Variants in GSE1 observed in about 807,000 individuals in gnomAD.
The protein encoded by GSE1 is Gse1 coiled-coil protein, also known as genetic suppressor element 1.
A neutral mutation model predicts 112.6 loss-of-function variants in GSE1; 32 were observed. The ratio of observed to expected loss-of-function variants is 0.28; its 90% confidence interval spans 0.21 to 0.38. GSE1 has a LOEUF of 0.38. Among genes scored for constraint, GSE1 ranks in the 10% least tolerant of loss-of-function variants. The pLI, the probability that GSE1 is intolerant of heterozygous loss-of-function variation, is 1.00. For synonymous variants in GSE1, 1,115 were observed against 735.6 expected (o/e 1.52, Z -8.35); for missense variants, 2,348 against 1,699.2 (o/e 1.38, Z -6.71).
chr16:85,461,933 C>G (rs1235513550), intron 2 of GSE1, among the ~76,000 whole-genome samples: 1 of 152,332 alleles, frequency 6.6e-6, no homozygotes, highest in East Asian at 1.9e-4. Flanking sequence ...GCCCATGGCT[C>G]TCAGCGCAGC....
At chr16:85,284,367 C>T (rs748839703) in intron 1 of GSE1, among the ~76,000 whole-genome samples, 16 of 152,264 alleles carry the variant, frequency 1.1e-4, no homozygotes, top group Non-Finnish European at 1.9e-4. Flanking sequence ...GGGGGCCGGG[C>T]GCGAGAGCCT....
chr16:85,664,128 C>T (rs17208646), intron 11 of GSE1, among the ~76,000 whole-genome samples: 1 of 152,364 alleles, frequency 6.6e-6, no homozygotes, highest in African/African-American at 2.4e-5. Flanking sequence ...TGGGACAGAC[C>T]CTCTGGGCTC....
intron 1 of GSE1, among the ~76,000 whole-genome samples, chr16:85,197,844 G>A (rs1479536959): frequency 3.9e-5 from 6 of 152,206 alleles, no homozygotes; most frequent in South Asian, 2.1e-4. Flanking sequence ...GGGTTTGTCC[G>A]GGTAGCACCG....
chr16:85,344,096 A>G (rs892243340), intron 1 of GSE1, among the ~76,000 whole-genome samples: 6 of 152,178 alleles, frequency 3.9e-5, no homozygotes, highest in Non-Finnish European at 8.8e-5. Flanking sequence ...TGCTGTTCCC[A>G]GGTTGCTGAT....
intron 2 of GSE1, among the ~76,000 whole-genome samples, chr16:85,418,503 C>T (rs2048754127): frequency 6.6e-6 from 1 of 152,222 alleles, no homozygotes; most frequent in Admixed American, 6.5e-5. Context: ...AGGAAGCCCT[C>T]TCTGACTGCT....
At chr16:85,327,977 A>G (rs1007210151) in intron 1 of GSE1, among the ~76,000 whole-genome samples, 1 of 152,160 alleles carries the variant, frequency 6.6e-6, no homozygotes, top group Non-Finnish European at 1.5e-5. Flanking sequence ...CCTGGTACAG[A>G]TCCCTGGCCA....
At chr16:85,453,824 G>T (rs1272425569) in intron 2 of GSE1, among the ~76,000 whole-genome samples, 1 of 152,186 alleles carries the variant, frequency 6.6e-6, no homozygotes, top group Non-Finnish European at 1.5e-5. Flanking sequence ...ACCTCGGCCG[G>T]CCCCACTTGC....
chr16:85,208,864 A>G, intron 1 of GSE1, among the ~76,000 whole-genome samples: 1 of 92,020 alleles, frequency 1.1e-5, no homozygotes, highest in Non-Finnish European at 2.4e-5. Flanking sequence ...GGGGTTCACC[A>G]TATGTTGGGG....
chr16:85,614,780 C>T (rs761273647), intron 1 of GSE1, among the ~76,000 whole-genome samples: 22 of 152,226 alleles, frequency 1.4e-4, no homozygotes, highest in Non-Finnish European at 2.8e-4. Flanking sequence ...GGTGCCTTAT[C>T]TGGGGCCTGA....
At chr16:85,501,728 A>G (rs973100461) in intron 2 of GSE1, among the ~76,000 whole-genome samples, 14 of 152,192 alleles carry the variant, frequency 9.2e-5, no homozygotes, top group African/African-American at 3.4e-4. Context: ...GTACCAGTTC[A>G]GCCCACAACA....
At chr16:85,667,967 A>C (rs184174610) in intron 13 of GSE1, among the ~76,000 whole-genome samples, 173 bp from the exon 14 acceptor site, 3 of 151,552 alleles carry the variant, frequency 2.0e-5, no homozygotes, top group Non-Finnish European at 2.9e-5. Context: ...GACTTTCTCA[A>C]GTGGCCCAGA....
At chr16:85,237,897 C>A (rs1043711820) in intron 1 of GSE1, among the ~76,000 whole-genome samples, 2 of 151,824 alleles carry the variant, frequency 1.3e-5, no homozygotes, top group Non-Finnish European at 2.9e-5. Context: ...TGTGGCAAGA[C>A]GGGCCTATCT....
At position 85,600,921 on chromosome 16, in the gene GSE1, G is replaced by A. The variant is rs183767479; in HGVS notation, c.37+44558G>A. Among the ~76,000 whole-genome samples the A allele has an allele frequency of 1.1e-4, 16 of 152,228 alleles. No homozygotes were observed. In the East Asian group the frequency reaches 3.1e-3, roughly 29 times the overall value. On this transcript the variant is annotated intron_variant, in intron 1 of 2. Coordinates refer to the GSE1 transcript ENST00000635906. ...CATTTAGCTCAGTCTCCTCTCCAAC[G>A]GCTCAGCTCAGTGAGCGCCTGGAAG...
At chr16:85,331,422 T>TGTATATATATGC (rs2046349751) in intron 1 of GSE1, among the ~76,000 whole-genome samples, 2 of 94,634 alleles carry the variant, frequency 2.1e-5, no homozygotes, top group Non-Finnish European at 4.9e-5. Flanking sequence ...TGCGTATATA[T>TGTATATATATGC]GTATATATGT....
chr16:85,305,997 G>A (rs757823637), intron 1 of GSE1, among the ~76,000 whole-genome samples: 36 of 152,056 alleles, frequency 2.4e-4, no homozygotes, highest in Non-Finnish European at 3.8e-4. Context: ...AGGCTGAGGC[G>A]GGAGAATCAC....
chr16:85,477,629 C>G (rs919526669), intron 2 of GSE1, among the ~76,000 whole-genome samples: 1 of 150,178 alleles, frequency 6.7e-6, no homozygotes, highest in South Asian at 2.1e-4. Context: ...GGCGCGATCT[C>G]GGCTCACCGC....
chr16:85,319,347 G>A (rs968659264), intron 1 of GSE1, among the ~76,000 whole-genome samples: 8 of 152,284 alleles, frequency 5.3e-5, no homozygotes, highest in East Asian at 1.9e-4. Flanking sequence ...ATCGAGTCCC[G>A]TCGTAACCAG....
chr16:85,401,618 C>A (rs539026720), intron 2 of GSE1, among the ~76,000 whole-genome samples: 1 of 152,102 alleles, frequency 6.6e-6, no homozygotes, highest in Non-Finnish European at 1.5e-5. Context: ...AACACTCTGC[C>A]GAGGCCAGGG....
intron 1 of GSE1, among the ~76,000 whole-genome samples, chr16:85,218,489 C>T (rs1045980726): frequency 2.0e-5 from 3 of 152,170 alleles, no homozygotes; most frequent in African/African-American, 7.2e-5. Context: ...TGGGGCTGCA[C>T]GTGAAACGAG....
Sources: gnomAD v4.1 joint callset for allele counts (sites outside exome capture counted in the v4.1 genomes callset) on GRCh38, gnomAD v4.1.1 for gene constraint, MANE v1.5 for transcripts, NCBI Gene and HGNC (gene_info 2026-07-23, HGNC 2026-07-21) for gene names.